ZFHX3: variants seen among roughly 807,000 people sequenced by gnomAD.
ZFHX3 encodes the protein zinc finger homeobox protein 3.
Under a neutral mutation model 279.1 loss-of-function variants are expected in ZFHX3, and 42 were observed. The ratio of observed to expected loss-of-function variants is 0.15; its 90% confidence interval spans 0.12 to 0.19. ZFHX3 has a LOEUF of 0.19. Ranked by LOEUF, ZFHX3 falls within the 10% of genes least tolerant of loss-of-function variation. The pLI is 1.00. For synonymous variants in ZFHX3, 2,293 were observed against 1,957.8 expected (o/e 1.17, Z -4.52); for missense variants, 4,981 against 4,754.0 (o/e 1.05, Z -1.40).
intron 2 of ZFHX3, among the ~76,000 whole-genome samples, chr16:73,479,058 A>G (rs565312593): frequency 2.0e-5 from 3 of 152,258 alleles, no homozygotes; most frequent in African/African-American, 7.2e-5. Context: ...TCTCAAAAAC[A>G]AAACAAAACA....
At chr16:72,999,820 G>A (rs926823269) in intron 1 of ZFHX3, among the ~76,000 whole-genome samples, 3 of 152,196 alleles carry the variant, frequency 2.0e-5, no homozygotes, top group East Asian at 1.9e-4. Flanking sequence ...CACTCTCTCC[G>A]CTCAGCAGCT....
intron 5 of ZFHX3, among the ~76,000 whole-genome samples, chr16:72,827,432 A>C (rs2036960822): frequency 6.6e-6 from 1 of 152,178 alleles, no homozygotes; most frequent in South Asian, 2.1e-4. Context: ...CAGAAAGGTC[A>C]AGGTACCTTG....
intron 5 of ZFHX3, among the ~76,000 whole-genome samples, chr16:73,182,240 T>C (rs1047653215): frequency 1.3e-5 from 2 of 152,152 alleles, no homozygotes; most frequent in Non-Finnish European, 2.9e-5. Flanking sequence ...GCAGATCACC[T>C]GAGGTTGGGA....
At chr16:73,682,765 C>A in intron 1 of ZFHX3, among the ~76,000 whole-genome samples, 1 of 144,026 alleles carries the variant, frequency 6.9e-6, no homozygotes, top group African/African-American at 2.6e-5. Context: ...CCAGCCTGGG[C>A]AACAAGAGTG....
intron 3 of ZFHX3, among the ~76,000 whole-genome samples, chr16:73,371,438 G>T (rs1441764263): frequency 6.6e-6 from 1 of 151,896 alleles, no homozygotes; most frequent in Non-Finnish European, 1.5e-5. Flanking sequence ...AGGCTGGAGT[G>T]CAGTGGCGCC....
chr16:73,803,492 C>T (rs1175065838), intron 1 of ZFHX3, among the ~76,000 whole-genome samples: 2 of 152,166 alleles, frequency 1.3e-5, no homozygotes, highest in African/African-American at 2.4e-5. Context: ...ACTAAAAATT[C>T]ACTTACCCTT....
chr16:73,018,195 T>C (rs1964174438), intron 1 of ZFHX3, among the ~76,000 whole-genome samples: 2 of 152,022 alleles, frequency 1.3e-5, no homozygotes, highest in Non-Finnish European at 1.5e-5. Flanking sequence ...TCTCACTATG[T>C]TGCCCAGGCT....
At chr16:72,801,025 T>C (rs969345454) in intron 7 of ZFHX3, among the ~76,000 whole-genome samples, 1 of 152,248 alleles carries the variant, frequency 6.6e-6, no homozygotes, top group Non-Finnish European at 1.5e-5. Context: ...ATTTGCCTTA[T>C]GTTAATGTGA....
intron 2 of ZFHX3, among the ~76,000 whole-genome samples, chr16:73,488,230 C>T (rs1186741826): frequency 5.9e-5 from 9 of 152,132 alleles, no homozygotes; most frequent in Admixed American, 5.9e-4. Flanking sequence ...AGGAATGGTG[C>T]CATCCTTTAG....
chr16:73,408,113 T>C (rs151240432), intron 3 of ZFHX3, among the ~76,000 whole-genome samples: 219 of 151,282 alleles, frequency 1.4e-3, no homozygotes, highest in African/African-American at 5.1e-3. Context: ...AAACTTGTTT[T>C]TTTTTTTTTG....
intron 4 of ZFHX3, among the ~76,000 whole-genome samples, chr16:73,271,224 A>G (rs1434547144): frequency 6.6e-6 from 1 of 152,188 alleles, no homozygotes; most frequent in Non-Finnish European, 1.5e-5. Context: ...GAGCCCAGTC[A>G]TGTGTGAGCC....
chr16:73,532,584 C>T (rs184216960), intron 2 of ZFHX3, among the ~76,000 whole-genome samples: 1 of 152,316 alleles, frequency 6.6e-6, no homozygotes, highest in Admixed American at 6.5e-5. Flanking sequence ...AGGGCTGGAA[C>T]TAAGCTGCCT....
At chr16:72,865,908 C>T (rs762971768) in intron 4 of ZFHX3, among the ~76,000 whole-genome samples, 4 of 152,164 alleles carry the variant, frequency 2.6e-5, no homozygotes, top group Admixed American at 6.5e-5. Flanking sequence ...GGAGGAAACG[C>T]CATGCTGAAG....
At chr16:73,496,266 C>T (rs1310755227) in intron 2 of ZFHX3, among the ~76,000 whole-genome samples, 1 of 152,240 alleles carries the variant, frequency 6.6e-6, no homozygotes, top group East Asian at 1.9e-4. Context: ...CGTGGCGGCT[C>T]ACGCCTGTAA....
intron 2 of ZFHX3, among the ~76,000 whole-genome samples, chr16:73,479,360 C>T (rs1008707187): frequency 1.3e-5 from 2 of 152,182 alleles, no homozygotes; most frequent in Admixed American, 6.5e-5. Flanking sequence ...TCTGTCCTTG[C>T]ACCCCAAACC....
intron 2 of ZFHX3, among the ~76,000 whole-genome samples, chr16:73,469,393 G>A (rs1266607041): frequency 6.6e-6 from 1 of 152,096 alleles, no homozygotes; most frequent in Non-Finnish European, 1.5e-5. Context: ...GGGGAGAGGG[G>A]AACATTGTCA....
chr16:73,865,833 A>T (rs181951914), intron 1 of ZFHX3, among the ~76,000 whole-genome samples: 1 of 151,838 alleles, frequency 6.6e-6, no homozygotes, highest in Non-Finnish European at 1.5e-5. Context: ...CAAAAAAAAA[A>T]AAATAGCCGG....
chr16:73,330,960 G>T (rs879740411), intron 3 of ZFHX3, among the ~76,000 whole-genome samples: 66 of 152,242 alleles, frequency 4.3e-4, no homozygotes, highest in African/African-American at 1.6e-3. Context: ...CTAGCTTAGT[G>T]ATCCTCAGGG....
At chr16:73,280,065 A>T (rs1246365255) in intron 4 of ZFHX3, among the ~76,000 whole-genome samples, 1 of 152,212 alleles carries the variant, frequency 6.6e-6, no homozygotes, top group East Asian at 1.9e-4. Flanking sequence ...CTGGACACAC[A>T]CATGCAAAAG....
Sources: gnomAD v4.1 joint callset for allele counts (sites outside exome capture counted in the v4.1 genomes callset) on GRCh38, gnomAD v4.1.1 for gene constraint, MANE v1.5 for transcripts, NCBI Gene and HGNC (gene_info 2026-07-23, HGNC 2026-07-21) for gene names.